TRIM16: variants seen among roughly 807,000 people sequenced by gnomAD.
TRIM16 encodes tripartite motif containing 16.
Under a neutral mutation model 50.4 loss-of-function variants are expected in TRIM16, and 33 were observed. That is an observed-to-expected ratio of 0.65 (90% CI 0.50 to 0.88). TRIM16 has a LOEUF of 0.88. Among genes scored for constraint, TRIM16 ranks in the 40% least tolerant of loss-of-function variants. The pLI, the probability that TRIM16 is intolerant of heterozygous loss-of-function variation, is 0.00. For missense variants in TRIM16, 581 were observed against 686.8 expected, an observed-to-expected ratio of 0.85 and a Z score of 1.72; for synonymous variants, 229 against 270.7, an observed-to-expected ratio of 0.85 and a Z score of 1.51.
intron 11 of TRIM16, among the ~76,000 whole-genome samples, chr17:15,631,126 G>C (rs1190987175): frequency 6.6e-6 from 1 of 152,028 alleles, no homozygotes; most frequent in Non-Finnish European, 1.5e-5. Flanking sequence ...TTGGTAACTA[G>C]CCAGGACTCT....
In TRIM16 at chr17:15,640,339, G is replaced by C. The variant is rs532337183; in HGVS notation, c.615+2382C>G. On this transcript the variant is annotated intron_variant, in intron 8 of 11. Coordinates refer to ENST00000649191, the MANE Select transcript of TRIM16 (RefSeq NM_001348119.1). ...AGCCCATGGGCTGTGGCTGTGTGGG[G>C]GTTGCAGGGAAGGACCTTTAAGTTC... is the stretch of plus-strand genomic sequence containing the variant. Among the ~76,000 whole-genome samples, 122 of 148,812 alleles carry C rather than the reference G, an allele frequency of 8.2e-4. 8 individuals are homozygous for C. Among genetic ancestry groups the C allele is most frequent in the African/African-American group, 2.8e-3 (114 of 40,176 alleles).
intron 7 of TRIM16, among the ~76,000 whole-genome samples, chr17:15,644,915 ATG>A (rs1987292578): frequency 6.6e-6 from 1 of 151,944 alleles, no homozygotes; most frequent in Admixed American, 6.6e-5. Context: ...TCCCGGGTTC[ATG>A]CGATTCTCCT....
intron 6 of TRIM16, among the ~76,000 whole-genome samples, chr17:15,659,505 C>A (rs1901691): frequency 0.039 from 5,865 of 152,156 alleles, 294 homozygotes; most frequent in African/African-American, 0.12. Flanking sequence ...ACATTTTATG[C>A]GGCACATAGC....
chr17:15,638,110 C>G (rs1459824315), intron 8 of TRIM16, among the ~76,000 whole-genome samples: 1 of 128,674 alleles, frequency 7.8e-6, no homozygotes, highest in Non-Finnish European at 1.6e-5. Flanking sequence ...ACAAACACTG[C>G]GGAAGGCCGC....
At chr17:15,677,320 G>A (rs2151427372) in intron 5 of TRIM16, 40 bp from the exon 6 acceptor site, 1 of 981,418 alleles carries the variant, frequency 1.0e-6, no homozygotes, top group African/African-American at 1.7e-5. Context: ...AAGTTCAAAA[G>A]AGAAAGGACC....
intron 6 of TRIM16, among the ~76,000 whole-genome samples, chr17:15,667,557 T>C (rs1988550686): frequency 6.6e-6 from 1 of 152,144 alleles, no homozygotes; most frequent in African/African-American, 2.4e-5. Flanking sequence ...AGAGAGAATA[T>C]TTATCAATTA....
chr17:15,651,920 T>A lies in TRIM16; in HGVS notation c.-311A>T. The A allele has an allele frequency of 7.7e-7, 1 of 1,298,992 alleles. No homozygotes were observed. The highest frequency in any genetic ancestry group is 9.8e-7 in the Non-Finnish European group (1 of 1,018,240). The allele number at this position is 1,298,992 out of a possible 1,614,324, so 80.5% of individuals were successfully genotyped here. A position where few individuals can be genotyped will look rare whatever the true frequency, so the allele number is the denominator to read the frequency against. ...ATCATCTGAACCCCATAGGCTCTGCTGAAGACCACGTGTCTCTGTGCCTGC... is the reference window on the plus strand; with the variant it reads ...ATCATCTGAACCCCATAGGCTCTGCAGAAGACCACGTGTCTCTGTGCCTGC... On this transcript the variant is annotated 5_prime_UTR_variant, in exon 7 of 12. Transcript: ENST00000649191.
chr17:15,669,967 A>G (rs909532386), intron 6 of TRIM16, among the ~76,000 whole-genome samples: 17 of 152,150 alleles, frequency 1.1e-4, no homozygotes, highest in African/African-American at 3.6e-4. Flanking sequence ...GAGGGGGAAA[A>G]TCTCCCCTGG....
chr17:15,634,913 G>A (rs1170060750), intron 9 of TRIM16, among the ~76,000 whole-genome samples: 3 of 148,758 alleles, frequency 2.0e-5, no homozygotes, highest in Admixed American at 1.3e-4. Context: ...CTTGTGAGGC[G>A]GGAAGCCAAA....
rs184517847 is a variant in TRIM16, at chr17:15,657,474, C to G, written c.-337-5528G>C. 3.3e-5 allele frequency among the ~76,000 whole-genome samples: 5 copies of G among 152,324 alleles called. No homozygotes were observed. In the East Asian group the frequency reaches 9.6e-4, roughly 29 times the overall value. ...CACACTGTTGTGCAGTTGTCACCAC[C>G]ATCTATCTCCACAACTCTTTTCATC... On this transcript the variant is annotated intron_variant, in intron 6 of 11. Coordinates refer to ENST00000649191, the MANE Select transcript of TRIM16 (RefSeq NM_001348119.1).
In TRIM16 at chr17:15,636,106, G is replaced by A; in HGVS notation, c.779C>T (p.Ala260Val). Reference sequence around the variant, plus strand: ...CTCCTGCTTGCTCTTCTCCATCTCGGCACTCCTGTACTCCAGGTGGGCCTT... The same window carrying A: ...CTCCTGCTTGCTCTTCTCCATCTCGACACTCCTGTACTCCAGGTGGGCCTT... ...GIKAHLEYRS[A>V]EMEKSKQELE... is the part of the protein sequence containing the mutation. Residue 260 changes from alanine to valine, a missense_variant, in exon 9 of 12, where the codon GCC (alanine) becomes GTC (valine). Ala to Val is a moderately conservative substitution (Grantham distance 64). Coordinates refer to ENST00000649191, the MANE Select transcript of TRIM16 (RefSeq NM_001348119.1). 1.2e-6 allele frequency: 2 copies of A among 1,609,638 alleles called. 1 individual carries two copies. The highest frequency in any genetic ancestry group is 4.6e-5 in the East Asian group (2 of 43,848).
At chr17:15,653,752 C>G (rs899055721) in intron 6 of TRIM16, among the ~76,000 whole-genome samples, 1 of 152,120 alleles carries the variant, frequency 6.6e-6, no homozygotes, top group Non-Finnish European at 1.5e-5. Flanking sequence ...CAATTCAGCC[C>G]GTAACACACG....
chr17:15,677,825 C>T (rs1236380232), intron 4 of TRIM16, 104 bp from the exon 5 acceptor site: 152 of 898,734 alleles, frequency 1.7e-4, no homozygotes, highest in Non-Finnish European at 1.8e-4. Context: ...TTTATTGACT[C>T]GTATATTAAA....
chr17:15,644,819 C>G (rs1404774724), intron 7 of TRIM16, among the ~76,000 whole-genome samples: 7 of 150,492 alleles, frequency 4.7e-5, no homozygotes, highest in Non-Finnish European at 7.4e-5. Context: ...TGTTGTTGTT[C>G]TTTGTTTGTT....
intron 4 of TRIM16, among the ~76,000 whole-genome samples, chr17:15,680,328 A>AGGCCCATAATAATAAG (rs1989134207): frequency 8.9e-6 from 1 of 112,204 alleles, no homozygotes; most frequent in Non-Finnish European, 1.8e-5. Flanking sequence ...TATATTGAGT[A>AGGCCCATAATAATAAG]GGCCCTTAAT....
intron 6 of TRIM16, among the ~76,000 whole-genome samples, chr17:15,658,017 G>T (rs992575186): frequency 1.3e-5 from 2 of 152,190 alleles, no homozygotes; most frequent in Non-Finnish European, 2.9e-5. Context: ...TGAGGTCAAG[G>T]TGTGGTTCAG....
intron 6 of TRIM16, among the ~76,000 whole-genome samples, chr17:15,660,394 T>C (rs1316530985): frequency 6.6e-6 from 1 of 152,188 alleles, no homozygotes; most frequent in African/African-American, 2.4e-5. Context: ...TTCATTCCAC[T>C]TCCCCTAGGA....
intron 6 of TRIM16, among the ~76,000 whole-genome samples, chr17:15,663,684 C>G (rs77069432): frequency 0.027 from 4,159 of 152,296 alleles, 121 homozygotes; most frequent in African/African-American, 0.071. Flanking sequence ...TCTCCAGGTG[C>G]CAGGAAAGAT....
rs756411182 is a variant in TRIM16 at position 15,632,508 on chromosome 17, C to T, written c.1015+1G>A. The T allele has an allele frequency of 1.2e-6, 2 of 1,611,282 alleles. No individual in the cohort carries two copies. The highest frequency in any genetic ancestry group is 1.7e-5 in the Admixed American group (1 of 59,846). ...AGTCCATGGCCCAGAATGCGTCTCA[C>T]CTTCCTTGGAAAACTCCTGGAGCTT... On this transcript the variant is annotated splice_donor_variant, in intron 10 of 11. Transcript: ENST00000649191. LOFTEE classifies it high-confidence loss of function.
Sources: gnomAD v4.1 joint callset for allele counts (sites outside exome capture counted in the v4.1 genomes callset) on GRCh38, gnomAD v4.1.1 for gene constraint, MANE v1.5 for transcripts, NCBI Gene and HGNC (gene_info 2026-07-23, HGNC 2026-07-21) for gene names.